Variants in IMMP2L observed in about 807,000 individuals in gnomAD.
The protein encoded by IMMP2L is mitochondrial inner membrane protease subunit 2.
In IMMP2L, 18 loss-of-function variants were observed where a neutral mutation model predicts 19.3. The observed-to-expected ratio is 0.93, with a 90% confidence interval of 0.64 to 1.38. The LOEUF (loss-of-function observed/expected upper bound fraction) is 1.38, where lower values mean the gene tolerates loss of function less well. Among genes scored for constraint, IMMP2L ranks in the 40% most tolerant of loss-of-function variants. IMMP2L has a pLI of 0.00. For synonymous variants in IMMP2L, 76 were observed against 73.0 expected (o/e 1.04, Z -0.21); for missense variants, 233 against 218.2 (o/e 1.07, Z -0.43).
At chr7:111,092,274 C>A (rs1796952008) in intron 3 of IMMP2L, among the ~76,000 whole-genome samples, 1 of 152,200 alleles carries the variant, frequency 6.6e-6, no homozygotes, top group Non-Finnish European at 1.5e-5. Context: ...GAGTTCTAAT[C>A]TTTGGTAATT....
At chr7:111,527,676 T>A (rs147785308) in intron 1 of IMMP2L, among the ~76,000 whole-genome samples, 1 of 152,194 alleles carries the variant, frequency 6.6e-6, no homozygotes, top group East Asian at 1.9e-4. Flanking sequence ...CTGAAACCAG[T>A]GCCAATGATG....
Position 110,861,161 on chromosome 7 carries a change from G to C in IMMP2L, c.408+25432C>G, listed in dbSNP as rs940417085. ...ACAGAGAGACAGAGACAGAGAGACA[G>C]ATCTACTGTAAGACAGAGAGAAGAA... On this transcript the variant is annotated intron_variant, in intron 5 of 5. Transcript: ENST00000405709. 2.0e-5 allele frequency among the ~76,000 whole-genome samples: 3 copies of C among 148,800 alleles called. No homozygotes were observed. The East Asian group carries it at 6.0e-4, about 30-fold the overall frequency.
intron 1 of IMMP2L, among the ~76,000 whole-genome samples, chr7:111,540,774 C>T (rs1848441833): frequency 1.3e-5 from 2 of 152,084 alleles, no homozygotes; most frequent in Non-Finnish European, 2.9e-5. Flanking sequence ...TGTATCTTGA[C>T]TGTTTGTTTA....
At chr7:110,789,820 G>A (rs1292289695) in intron 5 of IMMP2L, among the ~76,000 whole-genome samples, 1 of 151,416 alleles carries the variant, frequency 6.6e-6, no homozygotes, top group Non-Finnish European at 1.5e-5. Context: ...CAGGGCCTTT[G>A]CATTTTCTAT....
chr7:111,469,464 C>G (rs145889283), intron 3 of IMMP2L, among the ~76,000 whole-genome samples: 1,612 of 152,098 alleles, frequency 0.011, 33 homozygotes, highest in African/African-American at 0.036. Context: ...TTGAACAGGT[C>G]CTTCATGTCC....
intron 3 of IMMP2L, among the ~76,000 whole-genome samples, chr7:111,403,903 G>A (rs1162760666): frequency 3.3e-5 from 5 of 152,058 alleles, no homozygotes; most frequent in Non-Finnish European, 7.4e-5. Context: ...ATGCCACTTG[G>A]AAGTCTTTTG....
intron 3 of IMMP2L, chr7:111,124,932 C>CAAAA: frequency 2.3e-6 from 2 of 888,484 alleles, no homozygotes; most frequent in Non-Finnish European, 3.1e-6. Flanking sequence ...CAAAAATGAA[C>CAAAA]AAAAAAAAAA....
chr7:111,165,387 A>T (rs1255872092), intron 3 of IMMP2L, among the ~76,000 whole-genome samples: 2 of 152,012 alleles, frequency 1.3e-5, no homozygotes, highest in African/African-American at 4.8e-5. Context: ...AAATGTGAGT[A>T]TATAAATATA....
At chr7:111,239,991 T>C (rs560714958) in intron 3 of IMMP2L, among the ~76,000 whole-genome samples, 6 of 152,058 alleles carry the variant, frequency 3.9e-5, no homozygotes, top group South Asian at 2.1e-4. Context: ...TAGAAATAGA[T>C]GCTAAAGTAA....
intron 2 of IMMP2L, among the ~76,000 whole-genome samples, chr7:111,501,232 G>T (rs1396354458): frequency 2.0e-5 from 3 of 152,118 alleles, no homozygotes; most frequent in Non-Finnish European, 4.4e-5. Context: ...AGTGATGGAA[G>T]ACGAAATGAA....
intron 1 of IMMP2L, among the ~76,000 whole-genome samples, chr7:111,535,656 C>T (rs942516065): frequency 3.3e-5 from 5 of 152,018 alleles, no homozygotes; most frequent in East Asian, 3.9e-4. Flanking sequence ...ATACTATAGG[C>T]GGTATTTGGG....
chr7:111,046,285 G>C (rs57719624), intron 3 of IMMP2L, among the ~76,000 whole-genome samples: 11,706 of 151,990 alleles, frequency 0.077, 598 homozygotes, highest in Middle Eastern at 0.17. Flanking sequence ...AGAGCATTAA[G>C]AGGCACACAA....
At chr7:111,427,980 C>T (rs925166189) in intron 3 of IMMP2L, among the ~76,000 whole-genome samples, 2 of 151,648 alleles carry the variant, frequency 1.3e-5, no homozygotes, top group Non-Finnish European at 2.9e-5. Context: ...AATCTGAGTG[C>T]TATTAGTACC....
At chr7:111,373,505 T>C (rs1830425879) in intron 3 of IMMP2L, among the ~76,000 whole-genome samples, 1 of 152,094 alleles carries the variant, frequency 6.6e-6, no homozygotes, top group Admixed American at 6.6e-5. Flanking sequence ...ATCCTCTTTC[T>C]TGGTCCTTTC....
At chr7:111,425,803 T>G (rs1303640535) in intron 3 of IMMP2L, among the ~76,000 whole-genome samples, 1 of 151,272 alleles carries the variant, frequency 6.6e-6, no homozygotes, top group Non-Finnish European at 1.5e-5. Flanking sequence ...TGCTGGATCA[T>G]TCTTAGATCA....
intron 4 of IMMP2L, among the ~76,000 whole-genome samples, chr7:110,943,409 C>T (rs1323851598): frequency 6.6e-6 from 1 of 151,942 alleles, no homozygotes; most frequent in Non-Finnish European, 1.5e-5. Context: ...TATTTGTTTC[C>T]CATCCCTGAC....
In IMMP2L at chr7:111,431,055, C is replaced by A. The variant is rs947003488; in HGVS notation, c.239+56183G>T. Among the ~76,000 whole-genome samples the A allele has an allele frequency of 2.0e-4, 31 of 151,756 alleles. 1 individual carries two copies. Among genetic ancestry groups the A allele is most frequent in the African/African-American group, 7.5e-4 (31 of 41,118 alleles). On this transcript the variant is annotated intron_variant, in intron 3 of 5. Coordinates refer to ENST00000405709, the MANE Select transcript of IMMP2L (RefSeq NM_032549.4). ...CTAGGAGACAGAGATTGCAGTGAGC[C>A]AAGATCACGCCACTGCACTCCAGCC...
Position 111,123,301 on chromosome 7 carries a change from C to T in IMMP2L, c.240-159736G>A, listed in dbSNP as rs1467332013. 6.2e-7 allele frequency: 1 copy of T among 1,613,766 alleles called. No homozygotes were observed. The highest frequency in any genetic ancestry group is 1.7e-5 in the Admixed American group (1 of 59,942). Reference sequence around the variant, plus strand: ...ACTTCATCTCAATTCAAATAGATTGCAGATGATCAACAGTAAGTGGTTTGA... The same window carrying T: ...ACTTCATCTCAATTCAAATAGATTGTAGATGATCAACAGTAAGTGGTTTGA... On this transcript the variant is annotated intron_variant, in intron 3 of 5. Transcript: ENST00000405709. This position sits in a 1 kb window ranked among gnomAD's most constrained non-coding sequence, Gnocchi z 6.4.
chr7:111,132,414 A>G (rs1449661111), intron 3 of IMMP2L, among the ~76,000 whole-genome samples: 1 of 151,950 alleles, frequency 6.6e-6, no homozygotes. Flanking sequence ...ATGCACAATA[A>G]CTCAATCTTA....
Sources: gnomAD v4.1 joint callset for allele counts (sites outside exome capture counted in the v4.1 genomes callset) on GRCh38, gnomAD v4.1.1 for gene constraint, Gnocchi (gnomAD v3.1) non-coding constraint, MANE v1.5 for transcripts, NCBI Gene and HGNC (gene_info 2026-07-23, HGNC 2026-07-21) for gene names.